The following CFAP299 variants were observed in gnomAD, a reference collection of about 807,000 sequenced individuals.
CFAP299 encodes the protein cilia and flagella associated protein 299.
CFAP299 carries 21 observed loss-of-function variants against 27.0 expected under a neutral mutation model. The observed-to-expected ratio is 0.78, with a 90% CI of 0.55 to 1.12. The LOEUF (loss-of-function observed/expected upper bound fraction) is 1.12, where lower values mean the gene tolerates loss of function less well. Among genes scored for constraint, CFAP299 ranks in the 50% most tolerant of loss-of-function variants. CFAP299 has a pLI of 0.00. For synonymous variants in CFAP299, 104 were observed against 98.1 expected, an observed-to-expected ratio of 1.06 and a Z score of -0.36; for missense variants, 310 against 276.6, an observed-to-expected ratio of 1.12 and a Z score of -0.86.
chr4:80,498,703 A>G (rs1228813933), intron 2 of CFAP299, among the ~76,000 whole-genome samples: 1 of 152,156 alleles, frequency 6.6e-6, no homozygotes, highest in Non-Finnish European at 1.5e-5. Context: ...TGGAAAACTT[A>G]AAATAGAACT....
chr4:80,334,811 T>G (rs1411822587), upstream of CFAP299, among the ~76,000 whole-genome samples: 3 of 152,208 alleles, frequency 2.0e-5, no homozygotes, highest in Non-Finnish European at 4.4e-5. Context: ...GAAAGCTAAC[T>G]GAAATGAAGT....
At chr4:80,685,560 C>T (rs572076295) in intron 3 of CFAP299, among the ~76,000 whole-genome samples, 1 of 141,748 alleles carries the variant, frequency 7.1e-6, no homozygotes, top group South Asian at 2.2e-4. Context: ...TATGCAGGTG[C>T]TAATTTAGAC....
At chr4:80,825,065 G>C (rs1729911391) in intron 3 of CFAP299, among the ~76,000 whole-genome samples, 1 of 151,616 alleles carries the variant, frequency 6.6e-6, no homozygotes, top group Admixed American at 6.6e-5. Context: ...TCAACAAAGA[G>C]ATATAAACCT....
chr4:80,914,005 A>G (rs759318273), intron 4 of CFAP299, among the ~76,000 whole-genome samples: 3 of 152,148 alleles, frequency 2.0e-5, no homozygotes, highest in African/African-American at 4.8e-5. Flanking sequence ...AGAGTCATCC[A>G]TGCGTTCTAT....
intron 3 of CFAP299, among the ~76,000 whole-genome samples, chr4:80,729,772 T>C (rs906676416): frequency 1.3e-5 from 2 of 151,646 alleles, no homozygotes; most frequent in Non-Finnish European, 2.9e-5. Context: ...GCTAATTTTT[T>C]TTTGTATTTT....
chr4:80,723,270 A>G (rs371826546), intron 3 of CFAP299, among the ~76,000 whole-genome samples: 97 of 152,336 alleles, frequency 6.4e-4, no homozygotes, highest in Admixed American at 3.4e-3. Context: ...ATAAAAATAT[A>G]TGCTCATACA....
chr4:80,726,724 G>A (rs1723185709), intron 3 of CFAP299, among the ~76,000 whole-genome samples: 1 of 152,148 alleles, frequency 6.6e-6, no homozygotes, highest in Admixed American at 6.5e-5. Context: ...CTTAAACATT[G>A]TGGGGACTGA....
At chr4:80,888,450 G>A (rs1014488531) in intron 4 of CFAP299, among the ~76,000 whole-genome samples, 2 of 151,836 alleles carry the variant, frequency 1.3e-5, no homozygotes, top group African/African-American at 4.8e-5. Flanking sequence ...GGAAATATAT[G>A]TGCACCCATC....
At chr4:80,456,983 C>CTT (rs34551414) in intron 2 of CFAP299, among the ~76,000 whole-genome samples, 2,526 of 142,812 alleles carry the variant, frequency 0.018, 78 homozygotes, top group African/African-American at 0.059. Context: ...ATTCCAAATG[C>CTT]TTTTTTTTTT....
chr4:80,491,125 A>G (rs1170713769), intron 2 of CFAP299, among the ~76,000 whole-genome samples: 1 of 152,100 alleles, frequency 6.6e-6, no homozygotes, highest in African/African-American at 2.4e-5. Context: ...AATCAAAATT[A>G]TTAAACTGTA....
chr4:80,625,434 G>T (rs1374905360), intron 3 of CFAP299, among the ~76,000 whole-genome samples: 3 of 151,822 alleles, frequency 2.0e-5, no homozygotes, highest in African/African-American at 7.2e-5. Flanking sequence ...AAATCACTTA[G>T]CTATAAAAGA....
chr4:80,838,776 T>A (rs1730704540), intron 3 of CFAP299, among the ~76,000 whole-genome samples: 1 of 151,942 alleles, frequency 6.6e-6, no homozygotes, highest in African/African-American at 2.4e-5. Context: ...AAATTTTAAG[T>A]AGTTTTTTCT....
chr4:80,718,975 A>T (rs1472566454), intron 3 of CFAP299, among the ~76,000 whole-genome samples: 1 of 152,094 alleles, frequency 6.6e-6, no homozygotes, highest in African/African-American at 2.4e-5. Context: ...AAAGAACAAG[A>T]TCCTGTCCTT....
chr4:80,738,724 C>T (rs562907637), intron 3 of CFAP299, among the ~76,000 whole-genome samples: 4 of 150,906 alleles, frequency 2.7e-5, no homozygotes, highest in East Asian at 2.0e-4. Context: ...AGTACATTTA[C>T]GTAAATTCAA....
intron 2 of CFAP299, among the ~76,000 whole-genome samples, chr4:80,561,587 A>G (rs972849762): frequency 7.2e-5 from 11 of 152,086 alleles, no homozygotes; most frequent in Admixed American, 7.2e-4. Flanking sequence ...TCAGGCTTCT[A>G]TCAGATAAAT....
At chr4:80,942,249 T>C (rs1430273637) in intron 4 of CFAP299, among the ~76,000 whole-genome samples, 1 of 152,182 alleles carries the variant, frequency 6.6e-6, no homozygotes, top group African/African-American at 2.4e-5. Flanking sequence ...CTTCAGGTAG[T>C]GTAGTCACAA....
chr4:80,400,299 A>G (rs1258847567), intron 2 of CFAP299, among the ~76,000 whole-genome samples: 1 of 152,120 alleles, frequency 6.6e-6, no homozygotes, highest in East Asian at 1.9e-4. Flanking sequence ...GCTCACAACT[A>G]TCTTGATAGA....
At chr4:80,799,820 T>TATCATATAATATAATATATAA (rs1728249286) in intron 3 of CFAP299, among the ~76,000 whole-genome samples, 1 of 36,514 alleles carries the variant, frequency 2.7e-5, no homozygotes, top group East Asian at 1.5e-3. Context: ...AATATATATA[T>TATCATATAATATAATATATAA]TATATATATT....
chr4:80,700,208 T>G (rs1721385481), intron 3 of CFAP299, among the ~76,000 whole-genome samples: 1 of 152,128 alleles, frequency 6.6e-6, no homozygotes. Flanking sequence ...TACTACTTAC[T>G]AGATGTGTGA....
Sources: gnomAD v4.1 joint callset for allele counts (sites outside exome capture counted in the v4.1 genomes callset) on GRCh38, gnomAD v4.1.1 for gene constraint, MANE v1.5 for transcripts, NCBI Gene and HGNC (gene_info 2026-07-23, HGNC 2026-07-21) for gene names.